GSN: variants seen among roughly 807,000 people sequenced by gnomAD.
GSN encodes actin-depolymerizing factor.
Under a neutral mutation model 85.7 loss-of-function variants are expected in GSN, and 56 were observed. That is an observed-to-expected ratio of 0.65 (90% CI 0.53 to 0.82). The LOEUF (loss-of-function observed/expected upper bound fraction) is 0.82. Among genes scored for constraint, GSN ranks in the 40% least tolerant of loss-of-function variants. GSN has a pLI of 0.00. For missense variants in GSN, 857 were observed against 979.8 expected (o/e 0.87, Z 1.67); for synonymous variants, 373 against 399.1 (o/e 0.93, Z 0.78).
At chr9:121,215,796 T>C (rs1180672321) in intron 4 of GSN, among the ~76,000 whole-genome samples, 1 of 152,110 alleles carries the variant, frequency 6.6e-6, no homozygotes, top group Non-Finnish European at 1.5e-5. Flanking sequence ...TGTTAATTTA[T>C]TGGAAAATTA....
At chr9:121,286,573 C>T in intron 2 of GSN, 1 of 1,471,240 alleles carries the variant, frequency 6.8e-7, no homozygotes, top group Admixed American at 2.3e-5. Flanking sequence ...TCTGTTGGGC[C>T]ATGGGTGCTC....
intron 5 of GSN, among the ~76,000 whole-genome samples, chr9:121,241,115 G>A (rs1341494670): frequency 2.0e-5 from 3 of 152,136 alleles, no homozygotes; most frequent in Non-Finnish European, 4.4e-5. Context: ...AAGCATAAAA[G>A]AACCAAAGAT....
chr9:121,320,525 A>G (rs549086146), intron 10 of GSN, among the ~76,000 whole-genome samples: 2 of 152,104 alleles, frequency 1.3e-5, no homozygotes, highest in Non-Finnish European at 2.9e-5. Context: ...GGCACCTGTA[A>G]TCCCAGCTAC....
At chr9:121,237,284 A>G (rs2054514280) in intron 5 of GSN, among the ~76,000 whole-genome samples, 1 of 152,072 alleles carries the variant, frequency 6.6e-6, no homozygotes, top group Non-Finnish European at 1.5e-5. Context: ...CTGCTAGGCT[A>G]GGGGTGATGT....
At chr9:121,269,010 T>C (rs1358111024) in intron 1 of GSN, among the ~76,000 whole-genome samples, 1 of 152,194 alleles carries the variant, frequency 6.6e-6, no homozygotes, top group East Asian at 1.9e-4. Context: ...AGACATTGGC[T>C]TTCTTCCTAG....
At chr9:121,267,342 T>C (rs2055261690), upstream of GSN, among the ~76,000 whole-genome samples, 1 of 152,228 alleles carries the variant, frequency 6.6e-6, no homozygotes, top group East Asian at 1.9e-4. Flanking sequence ...CAATGTGGAT[T>C]TCCTCAATCT....
At chr9:121,207,006 T>C (rs928060436), upstream of GSN, among the ~76,000 whole-genome samples, 1 of 152,224 alleles carries the variant, frequency 6.6e-6, no homozygotes, top group African/African-American at 2.4e-5. Context: ...AACTCTTTCA[T>C]TGCATGCTCA....
chr9:121,265,054 ACCC>A (rs1328298985), upstream of GSN: 10 of 152,144 alleles, frequency 6.6e-5, no homozygotes, highest in Non-Finnish European at 1.3e-4. Context: ...GCCCAGCTGC[ACCC>A]CTGCCCTAGT....
intron 2 of GSN, among the ~76,000 whole-genome samples, chr9:121,290,426 T>C (rs2058578220): frequency 6.6e-6 from 1 of 152,204 alleles, no homozygotes. Flanking sequence ...ATAAAACCTA[T>C]TAGAGTTAAA....
At chr9:121,238,886 G>T in intron 5 of GSN, 1 of 534,288 alleles carries the variant, frequency 1.9e-6, no homozygotes. Context: ...CTTGCCTACA[G>T]CTGGTTACAT....
intron 4 of GSN, among the ~76,000 whole-genome samples, chr9:121,304,453 C>T (rs1482833958): frequency 6.6e-6 from 1 of 152,232 alleles, no homozygotes; most frequent in Non-Finnish European, 1.5e-5. Flanking sequence ...CTTTTTGCAA[C>T]TTCTGGAGCA....
At chr9:121,267,739 T>G (rs1360143062), upstream of GSN, among the ~76,000 whole-genome samples, 1 of 152,210 alleles carries the variant, frequency 6.6e-6, no homozygotes, top group Non-Finnish European at 1.5e-5. Flanking sequence ...GCAGCCTATG[T>G]CACTCTTCGA....
At chr9:121,314,060 T>C (rs1455108152) in intron 7 of GSN, 37 bp downstream of exon 7, 2 of 1,491,790 alleles carry the variant, frequency 1.3e-6, no homozygotes, top group Non-Finnish European at 1.9e-6. Flanking sequence ...GGGCATGGGG[T>C]CAGGACAGGG....
chr9:121,326,066 C>T (rs529180751), intron 12 of GSN, among the ~76,000 whole-genome samples: 1 of 151,038 alleles, frequency 6.6e-6, no homozygotes, highest in East Asian at 2.0e-4. Context: ...CTGACTGCTG[C>T]CCGCATCTGG....
chr9:121,312,534 C>A, intron 6 of GSN, 46 bp downstream of exon 6: 5 of 1,456,502 alleles, frequency 3.4e-6, no homozygotes, highest in South Asian at 1.2e-5. Flanking sequence ...ACACGCTGCT[C>A]ATGACTTTCT....
At chr9:121,286,605 C>G in intron 2 of GSN, 2 of 1,508,614 alleles carry the variant, frequency 1.3e-6, no homozygotes, top group East Asian at 2.5e-5. Flanking sequence ...CTCCCAGGGC[C>G]CACAACTGCT....
At chr9:121,238,861 C>T (rs2054547668) in intron 5 of GSN, 3 of 527,878 alleles carry the variant, frequency 5.7e-6, no homozygotes, top group African/African-American at 1.9e-5. Flanking sequence ...ATGGCTTGTA[C>T]ATCCTTCCCA....
intron 2 of GSN, chr9:121,282,849 G>T (rs1323854085): frequency 3.5e-6 from 1 of 282,146 alleles, no homozygotes; most frequent in Non-Finnish European, 7.0e-6. Flanking sequence ...ATGACACAGG[G>T]GCCCTGTCTT....
Position 121,312,499 on chromosome 9 carries a change from G to A in GSN, c.663+11G>A. 1 of 1,604,030 alleles carries A rather than the reference G, an allele frequency of 6.2e-7. No individual in the cohort carries two copies. The highest frequency in any genetic ancestry group is 8.5e-7 in the Non-Finnish European group (1 of 1,172,810). On this transcript the variant is annotated intron_variant, in intron 6 of 17. Coordinates refer to ENST00000432226, the MANE Select transcript of GSN (RefSeq NM_198252.3). ...GAGGCGATGCTCCAGGTGCCTGTGGGGTGCGCAATGGGGTGGCCATGGGGA... is the reference window on the plus strand; with the variant it reads ...GAGGCGATGCTCCAGGTGCCTGTGGAGTGCGCAATGGGGTGGCCATGGGGA...
Sources: gnomAD v4.1 joint callset for allele counts (sites outside exome capture counted in the v4.1 genomes callset) on GRCh38, gnomAD v4.1.1 for gene constraint, MANE v1.5 for transcripts, NCBI Gene and HGNC (gene_info 2026-07-23, HGNC 2026-07-21) for gene names.